LRRK2: variants seen among roughly 807,000 people sequenced by gnomAD.
The protein encoded by LRRK2 is leucine rich repeat kinase 2, also known as leucine-rich repeat serine/threonine-protein kinase 2.
In LRRK2, 203 loss-of-function variants were observed where a neutral mutation model predicts 302.6. That is an observed-to-expected ratio of 0.67 (90% CI 0.60 to 0.75). LRRK2 has a LOEUF of 0.75. Ranked by LOEUF, LRRK2 falls within the 30% of genes least tolerant of loss-of-function variation. The pLI is 0.00. For missense variants in LRRK2, 2,830 were observed against 2,951.0 expected (o/e 0.96, Z 0.95); for synonymous variants, 1,066 against 1,031.9 (o/e 1.03, Z -0.63).
chr12:40,295,608 G>T lies in LRRK2; in HGVS notation c.3060G>T (p.Gln1020His). The stretch of plus-strand genomic sequence containing the variant: ...ATCTTGAAAAGCTGGAGCTTCACCA[G>T]AATGCACTCACGAGCTTTCCACAAC... ...LEHLEKLELH[Q>H]NALTSFPQQL... Residue 1020 changes from glutamine (Q) to histidine (H), a missense_variant, in exon 23 of 51, where the codon CAG becomes CAT. Physicochemically the swap from Gln to His is conservative, Grantham distance 24. Transcript: ENST00000298910. 6.2e-7 allele frequency: 1 copy of T among 1,613,994 alleles called. No homozygotes were observed. The highest frequency in any genetic ancestry group is 1.1e-5 in the South Asian group (1 of 91,080).
intron 41 of LRRK2, among the ~76,000 whole-genome samples, chr12:40,342,533 T>G (rs1333238101): frequency 6.6e-6 from 1 of 151,946 alleles, no homozygotes; most frequent in East Asian, 1.9e-4. Context: ...TTACTCTATT[T>G]ATTATTGTTA....
At chr12:40,321,739 C>A (rs572441072) in intron 35 of LRRK2, among the ~76,000 whole-genome samples, 1 of 152,040 alleles carries the variant, frequency 6.6e-6, no homozygotes, top group Non-Finnish European at 1.5e-5. Flanking sequence ...TCAAAAACTT[C>A]TTTTTAAAAA....
chr12:40,258,886 T>C (rs182085487), intron 12 of LRRK2, among the ~76,000 whole-genome samples: 153 of 152,344 alleles, frequency 1.0e-3, no homozygotes, highest in African/African-American at 3.5e-3. Flanking sequence ...AAGGATTGAC[T>C]GTATTAAAGT....
intron 14 of LRRK2, among the ~76,000 whole-genome samples, chr12:40,268,551 T>C (rs1485471230): frequency 6.6e-6 from 1 of 152,136 alleles, no homozygotes; most frequent in East Asian, 1.9e-4. Context: ...TCTTTTTTGA[T>C]GAAGGACTAA....
intron 36 of LRRK2, 49 bp downstream of exon 36, chr12:40,322,230 A>G (rs778877095): frequency 3.2e-6 from 5 of 1,577,568 alleles, no homozygotes; most frequent in Non-Finnish European, 4.3e-6. Context: ...AAAGAAATTT[A>G]AACTTAAAAA....
chr12:40,268,855 A>G (rs887578749), intron 14 of LRRK2, among the ~76,000 whole-genome samples: 1 of 152,174 alleles, frequency 6.6e-6, no homozygotes, highest in African/African-American at 2.4e-5. Flanking sequence ...TTGTAATGTT[A>G]TGATATTCCT....
chr12:40,350,024 G>A (rs1056322140), intron 43 of LRRK2, among the ~76,000 whole-genome samples: 1 of 152,176 alleles, frequency 6.6e-6, no homozygotes, highest in African/African-American at 2.4e-5. Context: ...CAACAAGCTT[G>A]TGAGTAGCAA....
rs1394349397 is a variant in LRRK2, at chr12:40,295,429, T to C, written c.2881T>C (p.Ser961Pro). 3 of 1,611,684 alleles carry C rather than the reference T, an allele frequency of 1.9e-6. No individual in the cohort carries two copies. The highest frequency in any genetic ancestry group is 2.5e-6 in the Non-Finnish European group (3 of 1,179,710). ...KILSSDDSLR[S>P]SKLQSHMRHS... ...TGTTTGTTTGTTTTTGACAAAAGGG[T>C]CATCAAAACTTCAATCCCATATGAG... The change falls in exon 23 of 51, where the codon TCA (serine) becomes CCA (proline). Residue 961 changes from serine (S) to proline (P), a missense_variant and splice_region_variant. Transcript: ENST00000298910.
chr12:40,298,824 C>CCT (rs1555185366), intron 24 of LRRK2, among the ~76,000 whole-genome samples: 2 of 78,432 alleles, frequency 2.5e-5, no homozygotes, highest in Non-Finnish European at 5.1e-5. Context: ...ATATATAATA[C>CCT]ATATATTATA....
Position 40,364,865 on chromosome 12 carries a change from A to G in LRRK2, c.7205A>G (p.Lys2402Arg). ...FLREVMVKEN[K>R]ESKHKMSYSG... ...AGGGAGGTAATGGTAAAAGAAAACA[A>G]GGAATCAAAACACAAAATGTCTTAT... Residue 2402 changes from lysine (K) to arginine (R), a missense_variant, in exon 49 of 51, where the codon AAG becomes AGG. Lys to Arg is a conservative substitution (Grantham distance 26). Transcript: ENST00000298910. 5 of 1,612,044 alleles carry G rather than the reference A, an allele frequency of 3.1e-6. 1 individual carries two copies. The highest frequency in any genetic ancestry group is 3.3e-5 in the Admixed American group (2 of 59,774).
intron 11 of LRRK2, among the ~76,000 whole-genome samples, chr12:40,256,160 A>G (rs1029934603): frequency 6.6e-6 from 1 of 152,168 alleles, no homozygotes; most frequent in African/African-American, 2.4e-5. Flanking sequence ...ACAAAGAGGA[A>G]AATTGGCCAG....
At chr12:40,230,080 C>T (rs1399273490) in intron 2 of LRRK2, among the ~76,000 whole-genome samples, 3 of 148,104 alleles carry the variant, frequency 2.0e-5, no homozygotes, top group Non-Finnish European at 4.4e-5. Context: ...GTTTCTATGA[C>T]AGCTGGATTG....
chr12:40,340,265 A>G, intron 40 of LRRK2, 29 bp from the exon 41 acceptor site: 1 of 1,611,024 alleles, frequency 6.2e-7, no homozygotes, highest in Non-Finnish European at 8.5e-7. Context: ...ATCACATTTG[A>G]ATAAGATTTC....
At chr12:40,270,613 G>A (rs915150558) in intron 14 of LRRK2, among the ~76,000 whole-genome samples, 1 of 151,964 alleles carries the variant, frequency 6.6e-6, no homozygotes, top group Non-Finnish European at 1.5e-5. Context: ...AGAAGTCTGA[G>A]GCCAGCTTCA....
At chr12:40,362,279 GAA>G (rs1413417603) in intron 47 of LRRK2, among the ~76,000 whole-genome samples, 1 of 151,556 alleles carries the variant, frequency 6.6e-6, no homozygotes, top group Non-Finnish European at 1.5e-5. Flanking sequence ...AAAGGGGGAG[GAA>G]AAAAAATCTT....
chr12:40,276,477 G>T (rs1943458317), intron 16 of LRRK2, among the ~76,000 whole-genome samples: 1 of 152,106 alleles, frequency 6.6e-6, no homozygotes, highest in South Asian at 2.1e-4. Flanking sequence ...TGTATTTTTA[G>T]CTGAGATGGG....
At chr12:40,346,360 A>G (rs559805717) in intron 41 of LRRK2, among the ~76,000 whole-genome samples, 2 of 152,358 alleles carry the variant, frequency 1.3e-5, no homozygotes, top group Admixed American at 6.5e-5. Context: ...TTTTTAAAAC[A>G]CTGTCCTGGA....
In LRRK2 at chr12:40,320,142, C is replaced by T. The variant is rs753437433; in HGVS notation, c.4982C>T (p.Pro1661Leu). 1 of 1,611,844 alleles carries T rather than the reference C, an allele frequency of 6.2e-7. No individual in the cohort carries two copies. Among genetic ancestry groups the T allele is most frequent in the Non-Finnish European group, 8.5e-7 (1 of 1,178,838 alleles). Residue 1661 changes from proline to leucine, a missense_variant, in exon 34 of 51, where the codon CCA (proline) becomes CTA (leucine). Physicochemically the swap from Pro to Leu is moderately conservative, Grantham distance 98. This residue lies in a region of LRRK2 where 2,121 missense variants were observed against 2,148.0 expected (regional missense o/e 0.99). Coordinates refer to ENST00000298910, the MANE Select transcript of LRRK2 (RefSeq NM_198578.4). ...KLLEKFQIAL[P>L]IGEEYLLVPS... ...CTAGAAAAATTCCAGATTGCTTTGCCAATAGGAGAAGAATATTTGCTGGTT... is the reference window on the plus strand; with the variant it reads ...CTAGAAAAATTCCAGATTGCTTTGCTAATAGGAGAAGAATATTTGCTGGTT...
intron 20 of LRRK2, among the ~76,000 whole-genome samples, chr12:40,292,662 T>C (rs568768937): frequency 3.9e-5 from 6 of 152,004 alleles, no homozygotes; most frequent in African/African-American, 1.2e-4. Context: ...GGATTTATAC[T>C]GAATATTATA....
Sources: gnomAD v4.1 joint callset for allele counts (sites outside exome capture counted in the v4.1 genomes callset) on GRCh38, gnomAD v4.1.1 for gene constraint, gnomAD v4.1.1 regional missense constraint, MANE v1.5 for transcripts, NCBI Gene and HGNC (gene_info 2026-07-23, HGNC 2026-07-21) for gene names.